MKLN1: variants seen among roughly 807,000 people sequenced by gnomAD.
The protein encoded by MKLN1 is muskelin 1.
MKLN1 carries 18 observed loss-of-function variants against 99.0 expected under a neutral mutation model. The observed-to-expected ratio is 0.18, with a 90% CI of 0.13 to 0.27. MKLN1 has a LOEUF of 0.27. Ranked by LOEUF, MKLN1 falls within the 10% of genes least tolerant of loss-of-function variation. The pLI, the probability that MKLN1 is intolerant of heterozygous loss-of-function variation, is 1.00. For missense variants in MKLN1, 621 were observed against 875.9 expected (o/e 0.71, Z 3.67); for synonymous variants, 288 against 293.2 (o/e 0.98, Z 0.18).
intron 2 of MKLN1, among the ~76,000 whole-genome samples, chr7:131,376,370 G>A (rs1475359528): frequency 2.0e-5 from 3 of 147,730 alleles, no homozygotes; most frequent in South Asian, 2.1e-4. Context: ...ATGGCTGGGC[G>A]CGGTGGCTCA....
intron 3 of MKLN1, among the ~76,000 whole-genome samples, chr7:131,284,894 C>T (rs924161344): frequency 2.0e-5 from 3 of 152,204 alleles, no homozygotes; most frequent in African/African-American, 7.2e-5. Flanking sequence ...GACCAGCCAG[C>T]AGGCTCCAGC....
chr7:131,376,383 C>T (rs1358645980), intron 2 of MKLN1, among the ~76,000 whole-genome samples: 3 of 147,416 alleles, frequency 2.0e-5, no homozygotes, highest in South Asian at 2.1e-4. Context: ...GTGGCTCATG[C>T]GTGTAATCCC....
chr7:131,163,421 T>A (rs1248833297), intron 2 of MKLN1, among the ~76,000 whole-genome samples: 2 of 152,218 alleles, frequency 1.3e-5, no homozygotes, highest in Non-Finnish European at 2.9e-5. Context: ...TACGATTCTA[T>A]CACAATTGAC....
intron 6 of MKLN1, among the ~76,000 whole-genome samples, chr7:131,408,494 C>G (rs1285800754): frequency 1.3e-5 from 2 of 152,158 alleles, no homozygotes; most frequent in Admixed American, 1.3e-4. Flanking sequence ...ATACATACAA[C>G]TAGGCAGCAG....
intron 3 of MKLN1, among the ~76,000 whole-genome samples, chr7:131,315,692 G>C (rs942794786): frequency 3.3e-5 from 5 of 152,188 alleles, no homozygotes; most frequent in Non-Finnish European, 2.9e-5. Context: ...AGTCAACCTG[G>C]GACAATTGAG....
At chr7:131,333,319 C>T (rs1025453348) in intron 1 of MKLN1, among the ~76,000 whole-genome samples, 22 of 152,212 alleles carry the variant, frequency 1.4e-4, no homozygotes, top group African/African-American at 5.1e-4. Context: ...AAGTGATCCT[C>T]TCACCTCAGT....
intron 3 of MKLN1, among the ~76,000 whole-genome samples, chr7:131,260,302 C>T (rs1007823528): frequency 5.9e-5 from 9 of 151,986 alleles, no homozygotes; most frequent in Non-Finnish European, 1.3e-4. Flanking sequence ...ACCTCAGCCT[C>T]CCAAAGAAAA....
intron 3 of MKLN1, among the ~76,000 whole-genome samples, chr7:131,219,792 T>C (rs1255190383): frequency 1.3e-5 from 2 of 152,186 alleles, no homozygotes; most frequent in Non-Finnish European, 2.9e-5. Context: ...GGGTTTATTC[T>C]CTTGTGTTTG....
intron 3 of MKLN1, among the ~76,000 whole-genome samples, chr7:131,244,634 T>A (rs552759283): frequency 6.6e-6 from 1 of 152,166 alleles, no homozygotes; most frequent in Non-Finnish European, 1.5e-5. Flanking sequence ...AGTAAAGTGG[T>A]TGGCAGACAG....
intron 10 of MKLN1, among the ~76,000 whole-genome samples, chr7:131,442,064 G>C (rs1370652067): frequency 6.6e-6 from 1 of 152,182 alleles, no homozygotes; most frequent in Non-Finnish European, 1.5e-5. Flanking sequence ...AATACTTCCA[G>C]ACATCTTTGT....
At chr7:131,377,063 C>T (rs73153481) in intron 2 of MKLN1, among the ~76,000 whole-genome samples, 1 of 152,000 alleles carries the variant, frequency 6.6e-6, no homozygotes. Flanking sequence ...TGTATTTATC[C>T]ATTTTGCTGA....
intron 3 of MKLN1, among the ~76,000 whole-genome samples, chr7:131,216,422 CAAA>C (rs34071524): frequency 9.5e-5 from 11 of 116,380 alleles, no homozygotes; most frequent in Non-Finnish European, 1.2e-4. Context: ...GTCTCTGACT[CAAA>C]AAAAAAAAAA....
intron 8 of MKLN1, among the ~76,000 whole-genome samples, chr7:131,419,400 G>A (rs1479706578): frequency 3.3e-5 from 5 of 151,296 alleles, no homozygotes; most frequent in African/African-American, 4.9e-5. Context: ...ACAGGCGCCC[G>A]CCCAGCTAAT....
At chr7:131,156,696 A>G (rs1795974288) in intron 2 of MKLN1, among the ~76,000 whole-genome samples, 1 of 152,188 alleles carries the variant, frequency 6.6e-6, no homozygotes, top group African/African-American at 2.4e-5. Flanking sequence ...CGCGATGTGC[A>G]GTAGGTTAAG....
chr7:131,438,883 C>A (rs1391120574), intron 10 of MKLN1, among the ~76,000 whole-genome samples: 1 of 151,740 alleles, frequency 6.6e-6, no homozygotes, highest in Non-Finnish European at 1.5e-5. Flanking sequence ...AACCCAGGGT[C>A]TTTATTTATT....
intron 12 of MKLN1, among the ~76,000 whole-genome samples, chr7:131,454,872 T>G (rs761304799): frequency 5.9e-5 from 9 of 152,130 alleles, no homozygotes; most frequent in African/African-American, 1.2e-4. Flanking sequence ...TTGGCAAGTT[T>G]CAAAAATGAG....
chr7:131,220,158 A>G (rs1194163791), intron 3 of MKLN1, among the ~76,000 whole-genome samples: 1 of 152,150 alleles, frequency 6.6e-6, no homozygotes, highest in African/African-American at 2.4e-5. Flanking sequence ...ACATGAACAG[A>G]CCCTTTCACA....
intron 1 of MKLN1, among the ~76,000 whole-genome samples, chr7:131,346,984 C>T (rs1055846881): frequency 6.6e-6 from 1 of 152,186 alleles, no homozygotes; most frequent in Non-Finnish European, 1.5e-5. Context: ...ACCTTCTCAC[C>T]TTCAGGACAC....
At chr7:131,375,729 A>T (rs1448194076) in intron 2 of MKLN1, among the ~76,000 whole-genome samples, 2 of 152,098 alleles carry the variant, frequency 1.3e-5, no homozygotes, top group Non-Finnish European at 2.9e-5. Context: ...CTACCAGAAC[A>T]GTTACGCTCA....
Sources: gnomAD v4.1 joint callset for allele counts (sites outside exome capture counted in the v4.1 genomes callset) on GRCh38, gnomAD v4.1.1 for gene constraint, MANE v1.5 for transcripts, NCBI Gene and HGNC (gene_info 2026-07-23, HGNC 2026-07-21) for gene names.